Variants in RNF122 observed in about 807,000 individuals in gnomAD.
RNF122 encodes the protein ring finger protein 122.
RNF122 carries 17 observed loss-of-function variants against 24.2 expected under a neutral mutation model. The observed-to-expected ratio is 0.70, with a 90% CI of 0.48 to 1.06. The LOEUF (loss-of-function observed/expected upper bound fraction) is 1.06. Ranked by LOEUF, RNF122 falls within the 50% of genes least tolerant of loss-of-function variation. RNF122 has a pLI of 0.00. For synonymous variants in RNF122, 65 were observed against 71.8 expected (o/e 0.91, Z 0.48); for missense variants, 168 against 198.1 (o/e 0.85, Z 0.91).
chr8:33,549,385 GCACCCTGGA>G lies in RNF122; in HGVS notation c.353+16_353+24del. ...TCCCTGATTATTTCTCCTTCGACGGGCACCCTGGACACATTCCCACGTACTTGCGGTGAA... is the reference window on the plus strand; with the variant it reads ...TCCCTGATTATTTCTCCTTCGACGGGCACATTCCCACGTACTTGCGGTGAA... On this transcript the variant is annotated intron_variant, in intron 5 of 5. Coordinates refer to ENST00000256257, the MANE Select transcript of RNF122 (RefSeq NM_024787.3). 1 of 1,587,440 alleles carries G rather than the reference GCACCCTGGA, an allele frequency of 6.3e-7. No homozygotes were observed. The highest frequency in any genetic ancestry group is 1.3e-5 in the African/African-American group (1 of 74,476).
rs925952170 is a variant in RNF122 at position 33,549,455 on chromosome 8, T to C, written c.308A>G (p.Lys103Arg). 3 of 1,614,196 alleles carry C rather than the reference T, an allele frequency of 1.9e-6. No individual in the cohort carries two copies. Among genetic ancestry groups the C allele is most frequent in the South Asian group, 2.2e-5 (2 of 91,090 alleles). The part of the protein sequence containing the change: ...CAVCLEDFKG[K>R]DELGVLPCQH... ...GCACGGGAGCACGCCTAACTCATCC[T>C]TCCCCTTGAAGTCTTCCAGACAGAC... The change falls in exon 5 of 6, where the codon AAG (lysine) becomes AGG (arginine). Residue 103 changes from lysine (K) to arginine (R), a missense_variant. Coordinates refer to ENST00000256257, the MANE Select transcript of RNF122 (RefSeq NM_024787.3).
intron 2 of RNF122, 139 bp downstream of exon 2, chr8:33,558,476 G>A: frequency 5.3e-6 from 3 of 565,128 alleles, no homozygotes. Flanking sequence ...AGAAGGGCAG[G>A]CTCAGCCGTG....
At chr8:33,551,154 C>A in intron 3 of RNF122, 69 bp from the exon 4 acceptor site, 1 of 1,570,590 alleles carries the variant, frequency 6.4e-7, no homozygotes, top group Non-Finnish European at 8.8e-7. Flanking sequence ...GTAGTATCAA[C>A]CAATGAAGGG....
Position 33,551,397 on chromosome 8 carries a change from A to C in RNF122, c.183-8T>G. 6.2e-7 allele frequency: 1 copy of C among 1,614,066 alleles called. No homozygotes were observed. The highest frequency in any genetic ancestry group is 8.5e-7 in the Non-Finnish European group (1 of 1,179,960). On this transcript the variant is annotated splice_polypyrimidine_tract_variant and splice_region_variant and intron_variant, in intron 2 of 5. Transcript: ENST00000256257. ...GCCTGGTTCCGCAGTTTGCTGGGAG[A>C]AAGAGAAAAAAATTAGAGAAAGCAG...
intron 2 of RNF122, among the ~76,000 whole-genome samples, chr8:33,557,006 G>A (rs1348925679): frequency 1.3e-5 from 2 of 152,162 alleles, no homozygotes; most frequent in South Asian, 2.1e-4. Flanking sequence ...AAACCCAGAA[G>A]GGCATCTTAG....
intron 1 of RNF122, among the ~76,000 whole-genome samples, chr8:33,564,483 G>T (rs1810591391): frequency 6.6e-6 from 1 of 152,138 alleles, no homozygotes. Flanking sequence ...TGAGGCAGGA[G>T]GATCCCTTCA....
rs375506076 is a variant in RNF122 at position 33,566,738 on chromosome 8, T to C, written c.-15A>G. ...AATGGGTGCATCAATGAAGTCGCGG[T>C]TGGCTTCCTCGGGCGAACGGACGCA... On this transcript the variant is annotated 5_prime_UTR_variant, in exon 1 of 6. Transcript: ENST00000256257. The C allele has an allele frequency of 4.1e-5, 65 of 1,603,320 alleles. No individual in the cohort carries two copies. Among genetic ancestry groups the C allele is most frequent in the African/African-American group, 8.0e-5 (6 of 74,784 alleles).
In RNF122 at chr8:33,548,008, G is replaced by GAAC. The variant is rs1810312168; in HGVS notation, c.*744_*745insGTT. On this transcript the variant is annotated 3_prime_UTR_variant, in exon 6 of 6. Transcript: ENST00000256257. ...AAAAAAAAAAAAAAAAAAAAAAAAG[G>GAAC]CCCCTGGGAATCAATTTAAGTATAG... 1 of 113,490 alleles carries GAAC rather than the reference G, an allele frequency of 8.8e-6. No homozygotes were observed. The highest frequency in any genetic ancestry group is 3.6e-5 in the African/African-American group (1 of 27,540). 7.0% of individuals were successfully genotyped at this position (113,490 alleles called of 1,614,324 possible).
At chr8:33,565,416 C>G (rs1431884083) in intron 1 of RNF122, among the ~76,000 whole-genome samples, 1 of 152,002 alleles carries the variant, frequency 6.6e-6, no homozygotes, top group Non-Finnish European at 1.5e-5. Context: ...GCTTGCCATA[C>G]TGAGAGATAA....
intron 4 of RNF122, 49 bp from the exon 5 acceptor site, chr8:33,549,541 C>T (rs1810340326): frequency 1.4e-6 from 2 of 1,391,296 alleles, no homozygotes; most frequent in Non-Finnish European, 2.0e-6. Context: ...AACCATCTCA[C>T]TCATTCAACC....
intron 4 of RNF122, among the ~76,000 whole-genome samples, chr8:33,550,790 C>T (rs1810362963): frequency 6.6e-6 from 1 of 152,106 alleles, no homozygotes; most frequent in Non-Finnish European, 1.5e-5. Flanking sequence ...TATTGTGGGA[C>T]TCCTGGGGCT....
intron 2 of RNF122, among the ~76,000 whole-genome samples, chr8:33,555,023 C>CAGT (rs1429956207): frequency 6.6e-6 from 1 of 152,058 alleles, no homozygotes; most frequent in African/African-American, 2.4e-5. Flanking sequence ...TACCATGTAC[C>CAGT]AGTGGGCCTC....
rs549541873 is a variant in RNF122, at chr8:33,555,669, G to A, written c.182+2946C>T. On this transcript the variant is annotated intron_variant, in intron 2 of 5. Transcript: ENST00000256257. ...GACTCAAAAGGCAAACACTTGGAAG[G>A]ACTCGGCAAGACCCTAGCTCATTGC... Among the ~76,000 whole-genome samples, 3 of 152,336 alleles carry A rather than the reference G, an allele frequency of 2.0e-5. No homozygotes were observed. The East Asian group carries it at 5.8e-4, about 29-fold the overall frequency.
chr8:33,549,405 C>T lies in RNF122; in HGVS notation c.353+5G>A, dbSNP rs766647299. 29 of 1,612,492 alleles carry T rather than the reference C, an allele frequency of 1.8e-5. No homozygotes were observed. The highest frequency in any genetic ancestry group is 2.7e-5 in the African/African-American group (2 of 74,874). On this transcript the variant is annotated splice_donor_5th_base_variant and intron_variant, in intron 5 of 5. Coordinates refer to ENST00000256257, the MANE Select transcript of RNF122 (RefSeq NM_024787.3). ...GACGGGCACCCTGGACACATTCCCACGTACTTGCGGTGAAAGGCGTGTTGG... is the reference window on the plus strand; with the variant it reads ...GACGGGCACCCTGGACACATTCCCATGTACTTGCGGTGAAAGGCGTGTTGG...
At chr8:33,548,923 T>C (rs1810330168) in intron 5 of RNF122, 56 bp from the exon 6 acceptor site, 3 of 1,237,014 alleles carry the variant, frequency 2.4e-6, no homozygotes, top group Non-Finnish European at 3.6e-6. Context: ...CTGCTCCAGT[T>C]GTCTCTCAAA....
In RNF122 at chr8:33,566,742, C is replaced by A; in HGVS notation, c.-19G>T. 6.2e-7 allele frequency: 1 copy of A among 1,602,186 alleles called. No individual in the cohort carries two copies. Among genetic ancestry groups the A allele is most frequent in the Admixed American group, 1.7e-5 (1 of 57,832 alleles). On this transcript the variant is annotated 5_prime_UTR_variant, in exon 1 of 6. Transcript: ENST00000256257. ...GGTGCATCAATGAAGTCGCGGTTGG[C>A]TTCCTCGGGCGAACGGACGCAGGCG...
chr8:33,555,848 C>T (rs892149026), intron 2 of RNF122, among the ~76,000 whole-genome samples: 4 of 152,082 alleles, frequency 2.6e-5, no homozygotes, highest in African/African-American at 9.7e-5. Context: ...GACCACAATG[C>T]CTGGCCTATG....
chr8:33,549,990 A>G (rs1038939767), intron 4 of RNF122, among the ~76,000 whole-genome samples: 1 of 151,728 alleles, frequency 6.6e-6, no homozygotes, highest in Non-Finnish European at 1.5e-5. Context: ...CTGGAGTGCA[A>G]TGGTGCAATC....
chr8:33,561,824 C>T (rs1323252295), intron 1 of RNF122, among the ~76,000 whole-genome samples: 1 of 152,046 alleles, frequency 6.6e-6, no homozygotes, highest in Non-Finnish European at 1.5e-5. Context: ...GGGATTACAG[C>T]GCATAAGCCA....
Sources: gnomAD v4.1 joint callset for allele counts (sites outside exome capture counted in the v4.1 genomes callset) on GRCh38, gnomAD v4.1.1 for gene constraint, MANE v1.5 for transcripts, NCBI Gene and HGNC (gene_info 2026-07-23, HGNC 2026-07-21) for gene names.